Variants in PTPN3 observed in about 807,000 individuals in gnomAD.
PTPN3 encodes the protein tyrosine-protein phosphatase non-receptor type 3.
In PTPN3, 96 loss-of-function variants were observed where a neutral mutation model predicts 132.7. The observed-to-expected ratio is 0.72, with a 90% CI of 0.61 to 0.86. The LOEUF (loss-of-function observed/expected upper bound fraction) is 0.86. PTPN3 is among the 40% of genes least tolerant of loss of function. The pLI is 0.00. For synonymous variants in PTPN3, 398 were observed against 429.0 expected (o/e 0.93, Z 0.89); for missense variants, 1,125 against 1,159.6 (o/e 0.97, Z 0.43).
the PTPN3 span, chr9:109,533,898 A>G: frequency 2.6e-6 from 2 of 757,940 alleles, no homozygotes; most frequent in Admixed American, 3.8e-5. Context: ...TAGCATCTAT[A>G]AGGGTTACGG....
intron 23 of PTPN3, 39 bp from the exon 24 acceptor site, chr9:109,382,486 T>C (rs1839192328): frequency 6.2e-7 from 1 of 1,611,060 alleles, no homozygotes. Context: ...CCCATCCAGG[T>C]GGTGAGCATG....
At position 109,463,335 on chromosome 9, in the gene PTPN3, G is replaced by A. The variant is rs750058407; in HGVS notation, c.100C>T (p.His34Tyr). Residue 34 changes from histidine (H) to tyrosine (Y), a missense_variant, in exon 2 of 26, where the codon CAC becomes TAC. His to Tyr is a moderately conservative substitution (Grantham distance 83). Coordinates refer to ENST00000374541, the MANE Select transcript of PTPN3 (RefSeq NM_002829.4). Reference protein sequence around the residue: ...KTRSEVICSIHFLDGVVQTFK... With the variant: ...KTRSEVICSIYFLDGVVQTFK... ...GTCTGTACCACGCCATCTAAAAAGT[G>A]GATGCTGCAAATGACTTCTGATCGA... The A allele has an allele frequency of 6.8e-6, 11 of 1,613,492 alleles. No homozygotes were observed. The African/African-American group carries it at 1.1e-4, about 16-fold the overall frequency.
intron 11 of PTPN3, 67 bp from the exon 12 acceptor site, chr9:109,427,189 C>T (rs1843342379): frequency 2.6e-6 from 4 of 1,535,866 alleles, no homozygotes; most frequent in Non-Finnish European, 3.6e-6. Context: ...AAGCATTTAA[C>T]CCACATTGGT....
At position 109,410,241 on chromosome 9, in the gene PTPN3, G is replaced by C. The variant is rs145875554; in HGVS notation, c.1488C>G (p.Tyr496Ter). ...TGCGCTCGCTCACCTTGTCACAGTA[G>C]TACTGGCTGGCGTCCTCGGTGGAGC... ...KGGSTEDASQ[Y>*]YCDKNDNGDS... The change falls in exon 15 of 26, where the codon TAC (tyrosine) becomes TAG (stop). Residue 496 changes from tyrosine to a stop codon, truncating the protein, a stop_gained. Coordinates refer to ENST00000374541, the MANE Select transcript of PTPN3 (RefSeq NM_002829.4). LOFTEE classifies it high-confidence loss of function. 1.2e-6 allele frequency: 2 copies of C among 1,614,066 alleles called. No individual in the cohort carries two copies. Among genetic ancestry groups the C allele is most frequent in the East Asian group, 2.2e-5 (1 of 44,884 alleles).
At chr9:109,538,228 T>TA in the PTPN3 span, among the ~76,000 whole-genome samples, 1 of 152,264 alleles carries the variant, frequency 6.6e-6, no homozygotes, top group Admixed American at 6.5e-5. Flanking sequence ...GAAAGGAACT[T>TA]ACAGTTTTCC....
chr9:109,514,160 C>A, the PTPN3 span, among the ~76,000 whole-genome samples: 4 of 152,216 alleles, frequency 2.6e-5, no homozygotes, highest in Non-Finnish European at 5.9e-5. Flanking sequence ...GCCCCACTTT[C>A]TATTTCAGGA....
At chr9:109,512,433 A>G in the PTPN3 span, among the ~76,000 whole-genome samples, 1 of 152,216 alleles carries the variant, frequency 6.6e-6, no homozygotes, top group Non-Finnish European at 1.5e-5. Flanking sequence ...ACACCTACTC[A>G]GTTAAACATT....
chr9:109,402,151 C>T (rs998941216), intron 19 of PTPN3, among the ~76,000 whole-genome samples: 15 of 152,156 alleles, frequency 9.9e-5, no homozygotes, highest in African/African-American at 3.1e-4. Flanking sequence ...ACCAAAAAAC[C>T]GGTATGCACT....
Position 109,391,021 on chromosome 9 carries a change from G to C in PTPN3, c.2106+117C>G, listed in dbSNP as rs554254188. On this transcript the variant is annotated intron_variant, in intron 21 of 25. Coordinates refer to ENST00000374541, the MANE Select transcript of PTPN3 (RefSeq NM_002829.4). The stretch of plus-strand genomic sequence containing the variant: ...GCCCTCCCATGGCTGTTGTGGTGCT[G>C]AAATGCGGTGGTGAACGGGAAAGCA... The C allele has an allele frequency of 1.0e-5, 9 of 897,348 alleles. No homozygotes were observed. In the East Asian group the frequency reaches 2.1e-4, roughly 21 times the overall value. The allele number at this position is 897,348 out of a possible 1,614,324, so 55.6% of individuals were successfully genotyped here.
At chr9:109,411,179 G>A (rs561833667) in intron 14 of PTPN3, among the ~76,000 whole-genome samples, 4 of 152,322 alleles carry the variant, frequency 2.6e-5, no homozygotes, top group African/African-American at 4.8e-5. Flanking sequence ...GCTGGACAGC[G>A]CTGTCTTAGA....
the PTPN3 span, among the ~76,000 whole-genome samples, chr9:109,521,268 C>A: frequency 6.6e-6 from 1 of 152,060 alleles, no homozygotes; most frequent in East Asian, 1.9e-4. Context: ...AAGCAATCCT[C>A]CCACCTCAGC....
At position 109,430,781 on chromosome 9, in the gene PTPN3, G is replaced by A. The variant is rs1321372182; in HGVS notation, c.765-2097C>T. ...CTGAGCCTATAGGCTCCTATGGCCCGTGAAGCCCTCCATGACCTGGCCCCT... is the reference window on the plus strand; with the variant it reads ...CTGAGCCTATAGGCTCCTATGGCCCATGAAGCCCTCCATGACCTGGCCCCT... On this transcript the variant is annotated intron_variant, in intron 10 of 25. Transcript: ENST00000374541. 3.3e-5 allele frequency among the ~76,000 whole-genome samples: 5 copies of A among 152,294 alleles called. 1 individual carries two copies. The highest frequency in any genetic ancestry group is 4.1e-4 in the South Asian group (2 of 4,826).
At chr9:109,452,074 C>T (rs890650654) in intron 5 of PTPN3, among the ~76,000 whole-genome samples, 2 of 151,968 alleles carry the variant, frequency 1.3e-5, no homozygotes, top group Non-Finnish European at 2.9e-5. Context: ...TCGAGACCAT[C>T]CTGGCCAACA....
chr9:109,498,858 T>C (rs1014827226), upstream of PTPN3, among the ~76,000 whole-genome samples: 4 of 152,154 alleles, frequency 2.6e-5, no homozygotes, highest in Admixed American at 1.3e-4. The surrounding 1 kb of genome is among the most constrained non-coding windows in gnomAD (Gnocchi z 4.2). Context: ...CCTCAGGACA[T>C]TGGCGCCCGC....
chr9:109,517,955 T>C, the PTPN3 span, among the ~76,000 whole-genome samples: 1 of 152,176 alleles, frequency 6.6e-6, no homozygotes. Context: ...ACTGCATCCA[T>C]GATGCCTGTC....
At chr9:109,457,030 A>T (rs918596496) in intron 4 of PTPN3, 143 bp downstream of exon 4, 2 of 774,814 alleles carry the variant, frequency 2.6e-6, no homozygotes, top group Non-Finnish European at 4.2e-6. Context: ...GAAGTCAGAC[A>T]GGGAGAAGTC....
At chr9:109,500,411 G>T (rs1847848578), upstream of PTPN3, among the ~76,000 whole-genome samples, 1 of 152,142 alleles carries the variant, frequency 6.6e-6, no homozygotes, top group African/African-American at 2.4e-5. Context: ...CTAAAGGAAA[G>T]ACCTAAATAT....
chr9:109,478,148 C>T (rs1428854928), intron 1 of PTPN3, among the ~76,000 whole-genome samples: 1 of 152,168 alleles, frequency 6.6e-6, no homozygotes, highest in Non-Finnish European at 1.5e-5. Flanking sequence ...GATCTGACCA[C>T]AGATGGTAGT....
intron 8 of PTPN3, 42 bp from the exon 9 acceptor site, chr9:109,437,012 A>G (rs749549537): frequency 1.2e-6 from 2 of 1,611,416 alleles, no homozygotes; most frequent in Admixed American, 1.7e-5. Context: ...TCCAATAAAG[A>G]GAGGGCATTA....
Sources: gnomAD v4.1 joint callset for allele counts (sites outside exome capture counted in the v4.1 genomes callset) on GRCh38, gnomAD v4.1.1 for gene constraint, Gnocchi (gnomAD v3.1) non-coding constraint, MANE v1.5 for transcripts, NCBI Gene and HGNC (gene_info 2026-07-23, HGNC 2026-07-21) for gene names.